The following DNAH12 variants were observed in gnomAD, a reference collection of about 807,000 sequenced individuals.
DNAH12 encodes axonemal beta dynein heavy chain 12.
In DNAH12, 285 loss-of-function variants were observed where a neutral mutation model predicts 371.5. The ratio of observed to expected loss-of-function variants is 0.77; its 90% CI spans 0.70 to 0.85. DNAH12 has a LOEUF of 0.85. DNAH12 is among the 40% of genes least tolerant of loss of function. DNAH12 has a pLI of 0.00. For missense variants in DNAH12, 3,611 were observed against 3,689.4 expected (o/e 0.98, Z 0.55); for synonymous variants, 1,200 against 1,213.0 (o/e 0.99, Z 0.22).
At chr3:57,398,227 G>A (rs916394425) in intron 43 of DNAH12, among the ~76,000 whole-genome samples, 13 of 152,080 alleles carry the variant, frequency 8.5e-5, no homozygotes, top group East Asian at 1.9e-4. Flanking sequence ...GGAAATCACC[G>A]GGTTAATGGA....
At chr3:57,476,406 A>G (rs1370125514) in intron 13 of DNAH12, among the ~76,000 whole-genome samples, 1 of 152,106 alleles carries the variant, frequency 6.6e-6, no homozygotes, top group Non-Finnish European at 1.5e-5. Flanking sequence ...TCTACTAAAA[A>G]TACAAAAATT....
At chr3:57,415,215 A>T (rs1356355097) in intron 38 of DNAH12, among the ~76,000 whole-genome samples, 1 of 152,130 alleles carries the variant, frequency 6.6e-6, no homozygotes, top group African/African-American at 2.4e-5. Flanking sequence ...TTAAAAAAAA[A>T]ACAGGTGATA....
intron 58 of DNAH12, among the ~76,000 whole-genome samples, chr3:57,362,034 TCC>T (rs2062948489): frequency 7.7e-6 from 1 of 130,644 alleles, no homozygotes; most frequent in Non-Finnish European, 1.6e-5. Flanking sequence ...CCATGACAGC[TCC>T]CAGTGTATGA....
At position 57,487,424 on chromosome 3, in the gene DNAH12, A is replaced by AAG. The variant is rs1395832292; in HGVS notation, c.1514+2084_1514+2085insCT. On this transcript the variant is annotated intron_variant, in intron 12 of 73. Coordinates refer to ENST00000495027, the MANE Select transcript of DNAH12 (RefSeq NM_001366028.2). ...GAAAGAAAAAAAAGAAAAAGAAAGA[A>AAG]AAAAAAGAAAGAGCAAGCATTAATG... 3.3e-5 allele frequency among the ~76,000 whole-genome samples: 4 copies of AAG among 122,098 alleles called. No homozygotes were observed. In the East Asian group the frequency reaches 6.7e-4, roughly 20 times the overall value. The allele number at this position is 122,098 out of a possible 152,430, so 80.1% of individuals were successfully genotyped here. A position where few individuals can be genotyped will look rare whatever the true frequency, so the allele number is the denominator to read the frequency against.
rs782742825 is a variant in DNAH12, at chr3:57,403,398, G to T, written c.6859C>A (p.Arg2287Ser). The T allele has an allele frequency of 6.4e-7, 1 of 1,551,368 alleles. No homozygotes were observed. Among genetic ancestry groups the T allele is most frequent in the Non-Finnish European group, 8.7e-7 (1 of 1,146,852 alleles). Residue 2287 changes from arginine (R) to serine (S), a missense_variant, in exon 43 of 74, where the codon CGT becomes AGT. Physicochemically the swap from Arg to Ser is moderately radical, Grantham distance 110. Around this residue, in one of 3 missense-constraint regions of DNAH12, gnomAD observed 2,266 missense variants for 2,236.9 expected, o/e 1.01. Transcript: ENST00000495027. Reference sequence around the variant, plus strand: ...ATTTTTGCCATGGATGTAGCCAGACGAGTTAAAGATTGACGACCACTTCCT... The same window carrying T: ...ATTTTTGCCATGGATGTAGCCAGACTAGTTAAAGATTGACGACCACTTCCT... ...LGGSGRQSLT[R>S]LATSMAKMHI...
In DNAH12 at chr3:57,323,063, A is replaced by G. The variant is rs1426983858; in HGVS notation, c.10327T>C (p.Ser3443Pro). The G allele has an allele frequency of 6.4e-7, 1 of 1,552,314 alleles. No homozygotes were observed. The highest frequency in any genetic ancestry group is 8.7e-7 in the Non-Finnish European group (1 of 1,147,158). ...CTAAAGGATGAGTTACAGGTTTCAGAGGTAAAATCTTCACATATTTTTTCC... is the reference window on the plus strand; with the variant it reads ...CTAAAGGATGAGTTACAGGTTTCAGGGGTAAAATCTTCACATATTTTTTCC... ...MLEKICEDFTSETCNSSFRLW... is the reference protein window; with the variant it reads ...MLEKICEDFTPETCNSSFRLW... Residue 3443 changes from serine to proline, a missense_variant, in exon 64 of 74, where the codon TCT (serine) becomes CCT (proline). Ser to Pro is a moderately conservative substitution (Grantham distance 74). Around this residue, in one of 3 missense-constraint regions of DNAH12, gnomAD observed 2,266 missense variants for 2,236.9 expected, o/e 1.01. Transcript: ENST00000495027.
chr3:57,452,921 T>C lies in DNAH12; in HGVS notation c.3708A>G (p.Val1236=), dbSNP rs574236999. The part of the protein sequence containing the change: ...NARVRIINCN[V]KYAYEYLGNS... ...TACCAAGATATTCATAAGCATATTT[T>C]ACATTGCAATTAATGATACGAACTC... Residue 1236 remains valine, a synonymous_variant, in exon 25 of 74, where the codon GTA becomes GTG. Coordinates refer to ENST00000495027, the MANE Select transcript of DNAH12 (RefSeq NM_001366028.2). 1.8e-5 allele frequency: 28 copies of C among 1,551,502 alleles called. No homozygotes were observed. The South Asian group carries it at 3.1e-4, about 17-fold the overall frequency.
At chr3:57,528,203 T>G (rs553235758) in intron 2 of DNAH12, among the ~76,000 whole-genome samples, 12 of 151,838 alleles carry the variant, frequency 7.9e-5, no homozygotes, top group Admixed American at 2.6e-4. Context: ...TAATTTTGTA[T>G]TTTTAGTAGA....
chr3:57,452,925 T>C lies in DNAH12; in HGVS notation c.3704A>G (p.Asn1235Ser), dbSNP rs757749694. ...ENARVRIINC[N>S]VKYAYEYLGN... is the part of the protein sequence containing the mutation. ...AAGATATTCATAAGCATATTTTACA[T>C]TGCAATTAATGATACGAACTCGGGC... The change falls in exon 25 of 74, where the codon AAT (asparagine) becomes AGT (serine). Residue 1235 changes from asparagine to serine, a missense_variant. Asn to Ser is a conservative substitution (Grantham distance 46). This residue lies in a region of DNAH12 where 2,266 missense variants were observed against 2,236.9 expected (regional missense o/e 1.01). Transcript: ENST00000495027. 281 of 1,551,358 alleles carry C rather than the reference T, an allele frequency of 1.8e-4. No individual in the cohort carries two copies. Among genetic ancestry groups the C allele is most frequent in the Non-Finnish European group, 2.3e-4 (263 of 1,146,944 alleles).
chr3:57,372,209 T>C (rs991351025), intron 55 of DNAH12, among the ~76,000 whole-genome samples: 21 of 152,074 alleles, frequency 1.4e-4, no homozygotes, highest in Admixed American at 1.2e-3. Context: ...TCACTGTACA[T>C]GGAATGAATG....
rs188554781 is a variant in DNAH12 at position 57,446,216 on chromosome 3, G to C, written c.3994C>G (p.Arg1332Gly). Residue 1332 changes from arginine (R) to glycine (G), a missense_variant, in exon 27 of 74, where the codon CGA (arginine) becomes GGA (glycine). By Grantham distance (125) the Arg-to-Gly change is moderately radical. This residue lies in a region of DNAH12 where 2,266 missense variants were observed against 2,236.9 expected (regional missense o/e 1.01). Transcript: ENST00000495027. Reference protein sequence around the residue: ...GAWACFDEFNRIELEVLSVVA... With the variant: ...GAWACFDEFNGIELEVLSVVA... ...ACTGACAACACTTCCAACTCAATTC[G>C]ATTGAATTCATCAAAGCAAGCCCAA... 6.4e-7 allele frequency: 1 copy of C among 1,551,784 alleles called. No homozygotes were observed. Among genetic ancestry groups the C allele is most frequent in the Admixed American group, 2.0e-5 (1 of 50,976 alleles).
chr3:57,389,983 G>A (rs1040036383), intron 45 of DNAH12, among the ~76,000 whole-genome samples: 1 of 149,914 alleles, frequency 6.7e-6, no homozygotes, highest in East Asian at 2.1e-4. Context: ...CTACAGGCGT[G>A]CACCACCACA....
At chr3:57,539,415 G>A (rs897919292) in intron 2 of DNAH12, among the ~76,000 whole-genome samples, 2 of 152,144 alleles carry the variant, frequency 1.3e-5, no homozygotes, top group Non-Finnish European at 2.9e-5. Context: ...TCAGTTCCTA[G>A]AATGTACTGA....
intron 32 of DNAH12, among the ~76,000 whole-genome samples, chr3:57,430,663 GTATTAT>G (rs978371761): frequency 2.0e-5 from 3 of 151,954 alleles, no homozygotes; most frequent in African/African-American, 4.8e-5. Context: ...ACTTTTAATA[GTATTAT>G]TATTATTAAC....
chr3:57,331,169 A>G, intron 62 of DNAH12, among the ~76,000 whole-genome samples: 1 of 152,338 alleles, frequency 6.6e-6, no homozygotes, highest in East Asian at 1.9e-4. Flanking sequence ...CAATTATTGT[A>G]CATTCTAATG....
rs754522930 is a variant in DNAH12, at chr3:57,323,154, T to C, written c.10236A>G (p.Ala3412=). The C allele has an allele frequency of 3.2e-6, 5 of 1,552,418 alleles. No homozygotes were observed. In the South Asian group the frequency reaches 4.8e-5, roughly 15 times the overall value. ...GGCACACCCAAGTTCCTTCTTCAAT[T>C]GCTGCTTTAATCATTTTTGCTGCAA... ...GPIAAKMIKA[A]IEEGTWVCLQ... The change falls in exon 64 of 74, where the codon GCA becomes GCG. Residue 3412 remains alanine (A), a synonymous_variant. Coordinates refer to ENST00000495027, the MANE Select transcript of DNAH12 (RefSeq NM_001366028.2).
chr3:57,361,470 A>ATATC (rs1246939028), intron 58 of DNAH12, among the ~76,000 whole-genome samples: 12 of 141,412 alleles, frequency 8.5e-5, no homozygotes, highest in Admixed American at 4.2e-4. Flanking sequence ...ATATATATAT[A>ATATC]TCTCATTCAG....
intron 30 of DNAH12, among the ~76,000 whole-genome samples, chr3:57,435,373 C>CAAAAA (rs34515598): frequency 0.23 from 21,237 of 92,478 alleles, 1,923 homozygotes; most frequent in East Asian, 0.31. Flanking sequence ...CTCTGTCTCC[C>CAAAAA]AAAAAAAAAA....
At chr3:57,327,118 T>C (rs12495923) in intron 62 of DNAH12, among the ~76,000 whole-genome samples, 34,408 of 151,440 alleles carry the variant, frequency 0.23, 4,439 homozygotes, top group South Asian at 0.4. Context: ...ATGGGAGACT[T>C]TAACACCCCA....
Sources: allele counts gnomAD v4.1 joint callset (sites outside exome capture counted in the v4.1 genomes callset), GRCh38; gene constraint gnomAD v4.1.1; regional missense constraint gnomAD v4.1.1; transcripts MANE v1.5; gene names NCBI Gene and HGNC (gene_info 2026-07-23, HGNC 2026-07-21).